Variants in SGCD observed in about 807,000 individuals in gnomAD.
The protein encoded by SGCD is delta-sarcoglycan.
A neutral mutation model predicts 36.6 loss-of-function variants in SGCD; 18 were observed. The ratio of observed to expected loss-of-function variants is 0.49; its 90% CI spans 0.34 to 0.73. SGCD has a LOEUF of 0.73. Among genes scored for constraint, SGCD ranks in the 30% least tolerant of loss-of-function variants. The pLI, the probability that SGCD is intolerant of heterozygous loss-of-function variation, is 0.01. For missense variants in SGCD, 387 were observed against 346.7 expected (o/e 1.12, Z -0.92); for synonymous variants, 133 against 130.6 (o/e 1.02, Z -0.12).
chr5:156,759,129 A>T, intron 8 of SGCD, 88 bp from the exon 9 acceptor site: 1 of 1,029,108 alleles, frequency 9.7e-7, no homozygotes, highest in East Asian at 2.4e-5. Context: ...ATTTCAGTTG[A>T]ATTGAACATT....
chr5:155,877,557 C>T (rs1305489906), intron 1 of SGCD, among the ~76,000 whole-genome samples: 1 of 152,112 alleles, frequency 6.6e-6, no homozygotes, highest in Non-Finnish European at 1.5e-5. Context: ...TCAGAGTAAG[C>T]ACTCAACAGT....
intron 1 of SGCD, among the ~76,000 whole-genome samples, chr5:155,888,324 C>T (rs1020502841): frequency 6.6e-6 from 1 of 152,136 alleles, no homozygotes; most frequent in Non-Finnish European, 1.5e-5. Context: ...CCTTCATGGC[C>T]GTCTTACCAA....
chr5:156,605,312 G>T (rs189598462), intron 6 of SGCD, among the ~76,000 whole-genome samples: 6 of 151,612 alleles, frequency 4.0e-5, no homozygotes, highest in Non-Finnish European at 2.9e-5. Context: ...TTGGTTTTTT[G>T]TCCTTGCAAT....
In SGCD at chr5:156,003,878, A is replaced by G. The variant is rs536644727; in HGVS notation, c.-281-114000A>G. On this transcript the variant is annotated intron_variant, in intron 1 of 9. Coordinates refer to the SGCD transcript ENST00000517913. The stretch of plus-strand genomic sequence containing the variant: ...CCCACAAGCTTCTGCCTTGATTTGC[A>G]TATTAAAGATGTTTTGATATTTTTC... Among the ~76,000 whole-genome samples the G allele has an allele frequency of 2.6e-5, 4 of 152,308 alleles. No individual in the cohort carries two copies. In the East Asian group the frequency reaches 7.7e-4, roughly 29 times the overall value.
chr5:156,078,077 G>A (rs925104106), intron 1 of SGCD, among the ~76,000 whole-genome samples: 5 of 151,992 alleles, frequency 3.3e-5, no homozygotes, highest in East Asian at 1.9e-4. Context: ...CTTGTTGTAG[G>A]TGAGTAACCA....
intron 4 of SGCD, among the ~76,000 whole-genome samples, chr5:156,587,500 A>G (rs1229693886): frequency 6.6e-6 from 1 of 152,178 alleles, no homozygotes; most frequent in African/African-American, 2.4e-5. Context: ...GAGAGCATAA[A>G]TCTTGATTGA....
intron 1 of SGCD, among the ~76,000 whole-genome samples, chr5:156,106,535 T>A (rs1761654110): frequency 6.6e-6 from 1 of 152,210 alleles, no homozygotes; most frequent in African/African-American, 2.4e-5. Flanking sequence ...TTGTTCCAAC[T>A]TGAATGAGTA....
the SGCD span, among the ~76,000 whole-genome samples, chr5:155,797,186 A>C: frequency 1.4e-4 from 22 of 152,282 alleles, no homozygotes; most frequent in African/African-American, 5.3e-4. Context: ...AGAAAGACAG[A>C]ATCTGTTATT....
chr5:156,001,216 C>T (rs191895259), intron 1 of SGCD, among the ~76,000 whole-genome samples: 6 of 152,248 alleles, frequency 3.9e-5, no homozygotes, highest in African/African-American at 9.6e-5. Context: ...CAATTTCCCA[C>T]GTTCTGCATT....
intron 1 of SGCD, among the ~76,000 whole-genome samples, chr5:155,894,798 G>A (rs1756211713): frequency 6.6e-6 from 1 of 152,054 alleles, no homozygotes; most frequent in Non-Finnish European, 1.5e-5. Flanking sequence ...CAAGCTCAGG[G>A]CACCCACTGA....
intron 4 of SGCD, among the ~76,000 whole-genome samples, chr5:156,525,468 T>C (rs149962490): frequency 2.2e-3 from 340 of 152,214 alleles, no homozygotes; most frequent in African/African-American, 8.1e-3. Flanking sequence ...TATAGTTTTA[T>C]TATTAATCCA....
chr5:156,603,044 G>T (rs1761265687), intron 6 of SGCD, among the ~76,000 whole-genome samples: 1 of 152,088 alleles, frequency 6.6e-6, no homozygotes, highest in Non-Finnish European at 1.5e-5. Flanking sequence ...TGTTTGGCAA[G>T]AAGTCAGCAT....
intron 1 of SGCD, among the ~76,000 whole-genome samples, chr5:155,945,301 G>A (rs1757417600): frequency 1.3e-5 from 2 of 152,154 alleles, no homozygotes; most frequent in South Asian, 2.1e-4. Context: ...AGGACAAGAG[G>A]CAATAGGGAA....
intron 7 of SGCD, among the ~76,000 whole-genome samples, chr5:156,723,615 T>C (rs1238450164): frequency 6.6e-6 from 1 of 152,148 alleles, no homozygotes. Context: ...CTGAGCTAGT[T>C]CAAATGAGGA....
intron 1 of SGCD, among the ~76,000 whole-genome samples, chr5:155,954,628 T>C (rs1017335145): frequency 2.6e-5 from 4 of 151,914 alleles, no homozygotes; most frequent in African/African-American, 9.7e-5. Context: ...CTTTTTTGTC[T>C]GTTCTTTTGA....
At chr5:156,163,749 G>A (rs544426430) in intron 3 of SGCD, among the ~76,000 whole-genome samples, 3 of 151,512 alleles carry the variant, frequency 2.0e-5, no homozygotes, top group South Asian at 4.2e-4. Flanking sequence ...GGCCGGGCGC[G>A]GTGGCTCACG....
chr5:155,850,245 T>C, the SGCD span, among the ~76,000 whole-genome samples: 1 of 152,208 alleles, frequency 6.6e-6, no homozygotes, highest in African/African-American at 2.4e-5. Flanking sequence ...TCTAATAAAT[T>C]GAGGAGCTTA....
chr5:156,098,603 A>G (rs1006097776), intron 1 of SGCD, among the ~76,000 whole-genome samples: 7 of 147,854 alleles, frequency 4.7e-5, no homozygotes, highest in African/African-American at 1.3e-4. Flanking sequence ...GTATGTGTAT[A>G]TATATATATA....
chr5:156,720,208 C>T (rs1246926867), intron 7 of SGCD, among the ~76,000 whole-genome samples: 1 of 151,990 alleles, frequency 6.6e-6, no homozygotes, highest in Non-Finnish European at 1.5e-5. Context: ...TATTGAGCAC[C>T]AATTATGGGG....
Sources: allele counts gnomAD v4.1 joint callset (sites outside exome capture counted in the v4.1 genomes callset), GRCh38; gene constraint gnomAD v4.1.1; transcripts MANE v1.5; gene names NCBI Gene and HGNC (gene_info 2026-07-23, HGNC 2026-07-21).